LONP2: variants seen among roughly 807,000 people sequenced by gnomAD.
LONP2 encodes lon protease homolog 2, peroxisomal.
In LONP2, 60 loss-of-function variants were observed where a neutral mutation model predicts 85.6. That is an observed-to-expected ratio of 0.70 (90% confidence interval 0.57 to 0.87). The LOEUF is 0.87. Ranked by LOEUF, LONP2 falls within the 40% of genes least tolerant of loss-of-function variation. LONP2 has a pLI of 0.00. For synonymous variants in LONP2, 395 were observed against 389.7 expected (o/e 1.01, Z -0.16); for missense variants, 860 against 1,063.5 (o/e 0.81, Z 2.66).
In LONP2 at chr16:48,354,664, G is replaced by A; in HGVS notation, c.*2862G>A. ...GATCAAACAAGAGTTGTCCTTTTGT[G>A]TTTAGCATTCTTACTTAGCAAGCCA... On this transcript the variant is annotated 3_prime_UTR_variant, in exon 15 of 15. Transcript: ENST00000285737. The A allele has an allele frequency of 6.6e-6, 1 of 152,152 alleles. No homozygotes were observed. Among genetic ancestry groups the A allele is most frequent in the East Asian group, 1.9e-4 (1 of 5,196 alleles). 9.4% of individuals were successfully genotyped at this position (152,152 alleles called of 1,614,324 possible).
rs16946088 is a variant in LONP2, at chr16:48,306,574, C to T, written c.1795+3269C>T. Among the ~76,000 whole-genome samples the T allele has an allele frequency of 5.6e-3, 852 of 152,214 alleles. 6 individuals carry two copies. Among genetic ancestry groups the T allele is most frequent in the African/African-American group, 0.019 (787 of 41,530 alleles). On this transcript the variant is annotated intron_variant, in intron 11 of 14. Transcript: ENST00000285737. The stretch of plus-strand genomic sequence containing the variant: ...AGAATAAATACTTGTCTCTTGGAGA[C>T]GATTTTGGGTGTAGTCTTTACTAGA...
chr16:48,339,129 G>A (rs1054193112), intron 12 of LONP2, among the ~76,000 whole-genome samples: 3 of 152,106 alleles, frequency 2.0e-5, no homozygotes, highest in African/African-American at 7.2e-5. Flanking sequence ...CTGAAGAACA[G>A]CATTATTTAG....
chr16:48,311,660 G>A (rs1247552351), intron 11 of LONP2, among the ~76,000 whole-genome samples: 2 of 151,814 alleles, frequency 1.3e-5, no homozygotes, highest in African/African-American at 4.8e-5. Context: ...TTTGAAACAG[G>A]GTCTCGCTCT....
At chr16:48,359,553 T>G (rs1044313109), downstream of LONP2, among the ~76,000 whole-genome samples, 12 of 151,998 alleles carry the variant, frequency 7.9e-5, no homozygotes, top group African/African-American at 1.7e-4. Flanking sequence ...CCGTCTCTAC[T>G]AAAAATATAA....
In LONP2 at chr16:48,355,897, G is replaced by A. The variant is rs895092850; in HGVS notation, c.*4095G>A. The A allele has an allele frequency of 6.6e-5, 10 of 152,082 alleles. No homozygotes were observed. The highest frequency in any genetic ancestry group is 2.4e-4 in the African/African-American group (10 of 41,422). The allele number at this position is 152,082 out of a possible 1,614,324, so 9.4% of individuals were successfully genotyped here. A position where few individuals can be genotyped will look rare whatever the true frequency, so the allele number is the denominator to read the frequency against. On this transcript the variant is annotated 3_prime_UTR_variant, in exon 15 of 15. Coordinates refer to ENST00000285737, the MANE Select transcript of LONP2 (RefSeq NM_031490.5). ...TATGTGTATTTTACCGGTATTCCAC[G>A]TTTTATGCATGGGTTTTTAAAACTT...
intron 9 of LONP2, 25 bp downstream of exon 9, chr16:48,296,190 A>G: frequency 6.2e-7 from 1 of 1,610,608 alleles, no homozygotes; most frequent in South Asian, 1.1e-5. Context: ...AATCATTATG[A>G]TACATCTTGC....
chr16:48,350,082 A>G (rs1012082351), intron 14 of LONP2, among the ~76,000 whole-genome samples: 2 of 152,142 alleles, frequency 1.3e-5, no homozygotes, highest in African/African-American at 4.8e-5. Flanking sequence ...CTCTACAAAA[A>G]TTGTTTTAAA....
intron 7 of LONP2, among the ~76,000 whole-genome samples, chr16:48,273,620 A>G (rs1972148352): frequency 6.6e-6 from 1 of 152,196 alleles, no homozygotes. Flanking sequence ...CCCTTCTATC[A>G]GTTTTAACAA....
chr16:48,361,422 G>A, downstream of LONP2: 1 of 658,924 alleles, frequency 1.5e-6, no homozygotes, highest in Non-Finnish European at 2.6e-6. Context: ...GTTACTACAT[G>A]CAACTGTTTC....
At chr16:48,316,501 A>G (rs1210435248) in intron 11 of LONP2, among the ~76,000 whole-genome samples, 2 of 149,662 alleles carry the variant, frequency 1.3e-5, no homozygotes, top group South Asian at 2.1e-4. Flanking sequence ...CAATTTTTGT[A>G]TTTTTAGTAG....
chr16:48,311,131 T>C (rs1973021516), intron 11 of LONP2, among the ~76,000 whole-genome samples: 1 of 152,180 alleles, frequency 6.6e-6, no homozygotes, highest in Non-Finnish European at 1.5e-5. Context: ...GATGCCATGG[T>C]GAGATCCTTC....
At chr16:48,262,607 T>C (rs1971901401) in intron 5 of LONP2, among the ~76,000 whole-genome samples, 171 bp from the exon 6 acceptor site, 1 of 152,214 alleles carries the variant, frequency 6.6e-6, no homozygotes, top group Admixed American at 6.5e-5. Flanking sequence ...TGGTGATCAT[T>C]ACATTACAAA....
At chr16:48,347,297 ATAAATGT>A (rs1959994476) in intron 12 of LONP2, among the ~76,000 whole-genome samples, 1 of 152,240 alleles carries the variant, frequency 6.6e-6, no homozygotes. Flanking sequence ...ATTGCCTCTG[ATAAATGT>A]CAAAGAGGAA....
At chr16:48,262,116 A>G (rs1031543386) in intron 5 of LONP2, among the ~76,000 whole-genome samples, 3 of 152,152 alleles carry the variant, frequency 2.0e-5, no homozygotes, top group Admixed American at 2.0e-4. Flanking sequence ...ATTGTAGTTG[A>G]TGGGTATTTT....
At chr16:48,312,452 TG>T (rs1296142360) in intron 11 of LONP2, among the ~76,000 whole-genome samples, 9 of 152,170 alleles carry the variant, frequency 5.9e-5, no homozygotes, top group Non-Finnish European at 8.8e-5. Context: ...TTACTTTTGT[TG>T]GGGCAGGACT....
chr16:48,333,225 G>C (rs1959519020), intron 11 of LONP2, among the ~76,000 whole-genome samples: 1 of 152,140 alleles, frequency 6.6e-6, no homozygotes, highest in Non-Finnish European at 1.5e-5. Context: ...TACAGAAGAT[G>C]GTCCGATAAG....
chr16:48,348,392 G>T, intron 14 of LONP2, 102 bp downstream of exon 14: 1 of 657,104 alleles, frequency 1.5e-6, no homozygotes. Context: ...GAAAACCTTG[G>T]TTTTAAGTAT....
chr16:48,324,691 C>A (rs1354448693), intron 11 of LONP2, among the ~76,000 whole-genome samples: 1 of 152,154 alleles, frequency 6.6e-6, no homozygotes, highest in Non-Finnish European at 1.5e-5. Flanking sequence ...CAACAAACCA[C>A]AATTGACTCT....
At chr16:48,297,065 T>G (rs1972688551) in intron 9 of LONP2, among the ~76,000 whole-genome samples, 3 of 152,202 alleles carry the variant, frequency 2.0e-5, no homozygotes, top group African/African-American at 7.2e-5. Flanking sequence ...TGGAGTGCAG[T>G]GGCACGATCT....
Sources: gnomAD v4.1 joint callset for allele counts (sites outside exome capture counted in the v4.1 genomes callset) on GRCh38, gnomAD v4.1.1 for gene constraint, MANE v1.5 for transcripts, NCBI Gene and HGNC (gene_info 2026-07-23, HGNC 2026-07-21) for gene names.